Variants in TJP1 observed in about 807,000 individuals in gnomAD.
The protein encoded by TJP1 is tight junction protein 1.
Under a neutral mutation model 194.2 loss-of-function variants are expected in TJP1, and 43 were observed. The observed-to-expected ratio is 0.22, with a 90% CI of 0.17 to 0.29. The LOEUF is 0.29. Ranked by LOEUF, TJP1 falls within the 10% of genes least tolerant of loss-of-function variation. The pLI is 1.00. For synonymous variants in TJP1, 801 were observed against 779.0 expected (o/e 1.03, Z -0.47); for missense variants, 1,971 against 2,185.7 (o/e 0.90, Z 1.96).
intron 2 of TJP1, among the ~76,000 whole-genome samples, chr15:29,784,891 T>C (rs1017713778): frequency 3.3e-5 from 5 of 152,082 alleles, no homozygotes; most frequent in African/African-American, 1.2e-4. Context: ...GAGAAATAAA[T>C]GATAGCATGT....
chr15:29,860,058 G>A (rs1298688570), intron 2 of TJP1, among the ~76,000 whole-genome samples: 2 of 152,178 alleles, frequency 1.3e-5, no homozygotes, highest in African/African-American at 4.8e-5. Flanking sequence ...CACATTGACT[G>A]TCAGCCTCTC....
At chr15:29,790,675 C>T (rs919016035) in intron 2 of TJP1, among the ~76,000 whole-genome samples, 1 of 151,864 alleles carries the variant, frequency 6.6e-6, no homozygotes, top group Non-Finnish European at 1.5e-5. Context: ...CCAAGTCTTC[C>T]ATCCCTACTT....
rs2043777243 is a variant in TJP1 at position 29,733,085 on chromosome 15, C to T, written c.1736+9G>A. On this transcript the variant is annotated intron_variant, in intron 13 of 27. Transcript: ENST00000614355. ...ATTCACTCTATGAGAAGTATCCAAG[C>T]ATTCATACCTGTTCTTATTAGGGAT... 6.2e-7 allele frequency: 1 copy of T among 1,609,724 alleles called. No homozygotes were observed. Among genetic ancestry groups the T allele is most frequent in the Non-Finnish European group, 8.5e-7 (1 of 1,176,242 alleles).
chr15:29,718,779 T>C lies in TJP1; in HGVS notation c.3363A>G (p.Glu1121=), dbSNP rs1186264923. 1 of 1,614,190 alleles carries C rather than the reference T, an allele frequency of 6.2e-7. No homozygotes were observed. Among genetic ancestry groups the C allele is most frequent in the Admixed American group, 1.7e-5 (1 of 60,022 alleles). Residue 1121 remains glutamate (E), a synonymous_variant, in exon 21 of 28, where the codon GAA becomes GAG. Transcript: ENST00000614355. ...GAAAGTACCCTCGTTCTGAGGACTC[T>C]TCGGGATGCTGTCTGGAGTCAAGGT... ...SQDLDSRQHP[E]ESSERGYFPR...
chr15:29,919,378 G>T (rs1254307614), intron 2 of TJP1, among the ~76,000 whole-genome samples: 1 of 152,150 alleles, frequency 6.6e-6, no homozygotes, highest in East Asian at 1.9e-4. Context: ...GTTTCTGATT[G>T]ATTCATGCAG....
intron 5 of TJP1, among the ~76,000 whole-genome samples, chr15:29,765,443 T>C (rs1346427913): frequency 6.6e-6 from 1 of 152,176 alleles, no homozygotes; most frequent in Admixed American, 6.5e-5. Context: ...CACAGTCAGA[T>C]CCATTTTTTA....
intron 2 of TJP1, among the ~76,000 whole-genome samples, chr15:29,884,179 T>A (rs1016052685): frequency 6.6e-6 from 1 of 152,208 alleles, no homozygotes; most frequent in African/African-American, 2.4e-5. Context: ...AAAAAATAAA[T>A]GAAACATCTT....
At chr15:29,807,928 A>G (rs1005380704) in intron 1 of TJP1, among the ~76,000 whole-genome samples, 1 of 152,166 alleles carries the variant, frequency 6.6e-6, no homozygotes, top group African/African-American at 2.4e-5. Context: ...GAATTTCATA[A>G]TCCTTGAAAA....
At chr15:29,760,120 C>G (rs1363097354) in intron 8 of TJP1, 2 of 652,912 alleles carry the variant, frequency 3.1e-6, no homozygotes, top group South Asian at 3.3e-5. Flanking sequence ...TAAACTGTCT[C>G]TTCAGCCCTG....
At chr15:29,753,325 A>C (rs1035251749) in intron 8 of TJP1, among the ~76,000 whole-genome samples, 4 of 151,584 alleles carry the variant, frequency 2.6e-5, no homozygotes, top group Non-Finnish European at 4.4e-5. Context: ...CTACTAAAAA[A>C]CACAAAAAAT....
rs2152324993 is a variant in TJP1, at chr15:29,964,208, T to C, written c.173+4459A>G. 2.0e-5 allele frequency among the ~76,000 whole-genome samples: 3 copies of C among 152,188 alleles called. 1 individual carries two copies. Among genetic ancestry groups the C allele is most frequent in the Middle Eastern group, 3.4e-3 (1 of 294 alleles). Reference sequence around the variant, plus strand: ...GGTGGGCCCTAAATCCAATGACAAGTGTCCTTATAAGAGACAGAGGAATAA... The same window carrying C: ...GGTGGGCCCTAAATCCAATGACAAGCGTCCTTATAAGAGACAGAGGAATAA... On this transcript the variant is annotated intron_variant, in intron 1 of 28. Coordinates refer to the TJP1 transcript ENST00000356107.
intron 17 of TJP1, 82 bp from the exon 18 acceptor site, chr15:29,726,561 T>A: frequency 7.4e-7 from 1 of 1,343,560 alleles, no homozygotes; most frequent in Non-Finnish European, 1.1e-6. Flanking sequence ...TACAGCTAAA[T>A]CGTCATTACT....
upstream of TJP1, chr15:29,823,137 C>T (rs1338738297): frequency 6.6e-6 from 1 of 152,264 alleles, no homozygotes; most frequent in Non-Finnish European, 1.5e-5. Context: ...TATCCAAAGT[C>T]TCTTTCCCGC....
intron 2 of TJP1, among the ~76,000 whole-genome samples, chr15:29,953,073 C>G (rs2055808883): frequency 6.6e-6 from 1 of 151,108 alleles, no homozygotes; most frequent in Non-Finnish European, 1.5e-5. Flanking sequence ...TCTAAGAAAC[C>G]CTTTTCGAAT....
intron 2 of TJP1, among the ~76,000 whole-genome samples, chr15:29,855,949 T>C (rs2051833269): frequency 1.3e-5 from 2 of 152,094 alleles, no homozygotes; most frequent in African/African-American, 2.4e-5. Context: ...GGTACACTTA[T>C]TAAAACGTAA....
At chr15:29,926,614 G>GA (rs56803797) in intron 2 of TJP1, among the ~76,000 whole-genome samples, 16,576 of 113,804 alleles carry the variant, frequency 0.15, 1,107 homozygotes, top group East Asian at 0.31. Context: ...CTCCATTTCA[G>GA]AAAAAAAAAA....
chr15:29,764,585 G>A (rs2046214337), intron 5 of TJP1, among the ~76,000 whole-genome samples: 1 of 152,182 alleles, frequency 6.6e-6, no homozygotes, highest in Admixed American at 6.5e-5. Flanking sequence ...TGGAGAAAGA[G>A]TGGGATGGAT....
At chr15:29,897,134 T>C (rs912464693) in intron 2 of TJP1, among the ~76,000 whole-genome samples, 5 of 152,148 alleles carry the variant, frequency 3.3e-5, no homozygotes, top group African/African-American at 1.2e-4. Context: ...CATCACAGGC[T>C]CAGAGGCCTA....
chr15:29,723,144 G>A (rs865870697), intron 18 of TJP1, among the ~76,000 whole-genome samples: 4 of 152,228 alleles, frequency 2.6e-5, no homozygotes, highest in Non-Finnish European at 4.4e-5. Context: ...TGTTGGGAAC[G>A]CACCATCATA....
Sources: allele counts gnomAD v4.1 joint callset (sites outside exome capture counted in the v4.1 genomes callset), GRCh38; gene constraint gnomAD v4.1.1; transcripts MANE v1.5; gene names NCBI Gene and HGNC (gene_info 2026-07-23, HGNC 2026-07-21).